FAM222B: variants seen among roughly 807,000 people sequenced by gnomAD.
FAM222B encodes the protein family with sequence similarity 222 member B.
FAM222B carries 12 observed loss-of-function variants against 38.0 expected under a neutral mutation model. The observed-to-expected ratio is 0.32, with a 90% confidence interval of 0.20 to 0.51. The LOEUF (loss-of-function observed/expected upper bound fraction) is 0.51. FAM222B is among the 20% of genes least tolerant of loss of function. The probability of loss-of-function intolerance (pLI) is 0.97; values close to 1 mark genes in which losing one functional copy is unlikely to be tolerated. For synonymous variants in FAM222B, 329 were observed against 317.2 expected, an observed-to-expected ratio of 1.04 and a Z score of -0.40; for missense variants, 716 against 754.2, an observed-to-expected ratio of 0.95 and a Z score of 0.59.
chr17:28,759,311 G>T lies in FAM222B; in HGVS notation c.648C>A (p.His216Gln). The T allele has an allele frequency of 6.2e-7, 1 of 1,611,800 alleles. No individual in the cohort carries two copies. Among genetic ancestry groups the T allele is most frequent in the Non-Finnish European group, 8.5e-7 (1 of 1,179,128 alleles). The change falls in exon 3 of 3, where the codon CAC becomes CAA. Residue 216 changes from histidine to glutamine, a missense_variant. His to Gln is a conservative substitution (Grantham distance 24, BLOSUM62 0). Coordinates refer to ENST00000581407, the MANE Select transcript of FAM222B (RefSeq NM_001077498.3). The surrounding 1 kb of genome is among the most constrained non-coding windows in gnomAD (Gnocchi z 4.8). ...QGLVHPQALAHQGLQHPHNPL... is the reference protein window; with the variant it reads ...QGLVHPQALAQQGLQHPHNPL... ...GATTGTGGGGGTGCTGGAGACCCTG[G>T]TGAGCCAGGGCCTGAGGGTGGACCA...
intron 1 of FAM222B, among the ~76,000 whole-genome samples, chr17:28,789,955 A>C (rs1295648382): frequency 6.6e-6 from 1 of 152,204 alleles, no homozygotes; most frequent in Non-Finnish European, 1.5e-5. Flanking sequence ...AGAATACAAC[A>C]GTTGTGAATT....
At chr17:28,798,281 C>T (rs1410382466) in intron 1 of FAM222B, among the ~76,000 whole-genome samples, 1 of 151,954 alleles carries the variant, frequency 6.6e-6, no homozygotes, top group East Asian at 1.9e-4. Flanking sequence ...ACTTGGAAGG[C>T]TAAGGTCAGA....
chr17:28,764,515 G>A (rs1057059355), intron 2 of FAM222B, among the ~76,000 whole-genome samples: 2 of 152,042 alleles, frequency 1.3e-5, no homozygotes, highest in Admixed American at 6.6e-5. Context: ...TTGAGAGGCC[G>A]AGGCAGGCGG....
intron 1 of FAM222B, among the ~76,000 whole-genome samples, chr17:28,791,073 A>C (rs2036662854): frequency 6.6e-6 from 1 of 151,098 alleles, no homozygotes; most frequent in African/African-American, 2.4e-5. Context: ...ACGCCCAGCT[A>C]ATTTTTTTTT....
At chr17:28,770,026 T>C (rs1180607211) in intron 1 of FAM222B, among the ~76,000 whole-genome samples, 2 of 152,184 alleles carry the variant, frequency 1.3e-5, no homozygotes, top group African/African-American at 4.8e-5. Flanking sequence ...CCTGAGACCC[T>C]GAACTCAACA....
chr17:28,848,749 C>CT (rs1284678153), intron 1 of FAM222B: 2 of 152,046 alleles, frequency 1.3e-5, no homozygotes, highest in African/African-American at 4.8e-5. Flanking sequence ...CAGAGCAAGA[C>CT]TGTCTCAAAG....
chr17:28,852,909 T>C lies in FAM222B; in HGVS notation c.-41+2041A>G, dbSNP rs1329672388. Among the ~76,000 whole-genome samples, 5 of 151,962 alleles carry C rather than the reference T, an allele frequency of 3.3e-5. No individual in the cohort carries two copies. In the East Asian group the frequency reaches 9.7e-4, roughly 29 times the overall value. Reference sequence around the variant, plus strand: ...CTGTCTCTGCAAAAGATTTAAAAATTAGCACTGGGCGAGGTGGCTGACGCC... The same window carrying C: ...CTGTCTCTGCAAAAGATTTAAAAATCAGCACTGGGCGAGGTGGCTGACGCC... On this transcript the variant is annotated intron_variant, in intron 1 of 2. Transcript: ENST00000577513.
At chr17:28,789,079 CAAAA>C (rs397857027) in intron 1 of FAM222B, among the ~76,000 whole-genome samples, 2 of 63,464 alleles carry the variant, frequency 3.2e-5, no homozygotes, top group Non-Finnish European at 5.9e-5. Context: ...AAAGATACCT[CAAAA>C]AAAAAAAAAA....
chr17:28,826,171 C>T (rs1188512441), intron 1 of FAM222B, among the ~76,000 whole-genome samples: 2 of 151,380 alleles, frequency 1.3e-5, no homozygotes, highest in African/African-American at 4.9e-5. Context: ...CCGGTTCAAG[C>T]GATTCTCCTG....
intron 2 of FAM222B, among the ~76,000 whole-genome samples, chr17:28,766,227 G>A (rs988884225): frequency 1.3e-5 from 2 of 152,008 alleles, no homozygotes; most frequent in Non-Finnish European, 2.9e-5. Flanking sequence ...GGCCAAGTTA[G>A]GGGCATCACC....
intron 1 of FAM222B, among the ~76,000 whole-genome samples, chr17:28,805,611 A>G (rs2037454416): frequency 6.6e-6 from 1 of 151,946 alleles, no homozygotes; most frequent in Non-Finnish European, 1.5e-5. Flanking sequence ...CCGTGATCAC[A>G]CTATATTCGA....
chr17:28,801,416 T>C (rs2037218026), intron 1 of FAM222B, among the ~76,000 whole-genome samples: 2 of 138,762 alleles, frequency 1.4e-5, no homozygotes, highest in Admixed American at 1.5e-4. Context: ...ATCATGCCAC[T>C]GCACTCCAGT....
chr17:28,840,319 T>C (rs1024143011), intron 1 of FAM222B, among the ~76,000 whole-genome samples: 10 of 152,076 alleles, frequency 6.6e-5, no homozygotes, highest in East Asian at 5.8e-4. Flanking sequence ...TGAGCCGAGA[T>C]TGCGCTACTG....
At chr17:28,769,215 T>C (rs2035495537) in intron 1 of FAM222B, among the ~76,000 whole-genome samples, 1 of 139,350 alleles carries the variant, frequency 7.2e-6, no homozygotes, top group South Asian at 2.5e-4. Flanking sequence ...AGTCTTGCTC[T>C]GTTCCCCAGC....
upstream of FAM222B, among the ~76,000 whole-genome samples, chr17:28,845,077 GGATA>G (rs2152635295): frequency 6.7e-6 from 1 of 150,040 alleles, no homozygotes; most frequent in East Asian, 2.0e-4. Context: ...ACTCCAGCCT[GGATA>G]ACAGAGTGAG....
intron 1 of FAM222B, chr17:28,849,365 T>C (rs1470534988): frequency 6.6e-6 from 1 of 152,220 alleles, no homozygotes; most frequent in Non-Finnish European, 1.5e-5. Flanking sequence ...AGTAGAGTTG[T>C]TTTTTTTAAA....
At chr17:28,776,835 A>G (rs957605305) in intron 1 of FAM222B, among the ~76,000 whole-genome samples, 2 of 152,148 alleles carry the variant, frequency 1.3e-5, no homozygotes, top group African/African-American at 2.4e-5. Context: ...GTTCCAAGAA[A>G]TGTAGCTTAA....
At chr17:28,806,164 AG>A (rs2037489603) in intron 1 of FAM222B, among the ~76,000 whole-genome samples, 1 of 151,986 alleles carries the variant, frequency 6.6e-6, no homozygotes, top group African/African-American at 2.4e-5. Context: ...AAAAAAAAAA[AG>A]TGTCCTTGAG....
rs56281104 is a variant in FAM222B at position 28,771,013 on chromosome 17, C to CTT, written c.-40-4308_-40-4307dup. ...GTGTGTGTATATATATATATTTTTT[C>CTT]TTTTTTTTTTTTTAAAGGAGAGGGT... On this transcript the variant is annotated intron_variant, in intron 1 of 2. Coordinates refer to ENST00000581407, the MANE Select transcript of FAM222B (RefSeq NM_001077498.3). Among the ~76,000 whole-genome samples the CTT allele has an allele frequency of 1.2e-4, 16 of 137,722 alleles. No homozygotes were observed. The East Asian group carries it at 2.9e-3, about 25-fold the overall frequency. 90.4% of individuals were successfully genotyped at this position (137,722 alleles called of 152,430 possible). A position where few individuals can be genotyped will look rare whatever the true frequency, so the allele number is the denominator to read the frequency against.
Sources: gnomAD v4.1 joint callset for allele counts (sites outside exome capture counted in the v4.1 genomes callset) on GRCh38, gnomAD v4.1.1 for gene constraint, Gnocchi (gnomAD v3.1) non-coding constraint, MANE v1.5 for transcripts, NCBI Gene and HGNC (gene_info 2026-07-23, HGNC 2026-07-21) for gene names.